RNF213: variants seen among roughly 807,000 people sequenced by gnomAD.
The protein encoded by RNF213 is ring finger protein 213, also known as E3 ubiquitin-protein ligase RNF213.
RNF213 carries 341 observed loss-of-function variants against 514.4 expected under a neutral mutation model. The ratio of observed to expected loss-of-function variants is 0.66; its 90% CI spans 0.61 to 0.73. RNF213 has a LOEUF of 0.73. Ranked by LOEUF, RNF213 falls within the 30% of genes least tolerant of loss-of-function variation. The pLI is 0.00. For synonymous variants in RNF213, 2,655 were observed against 2,658.2 expected, an observed-to-expected ratio of 1.00 and a Z score of 0.04; for missense variants, 5,767 against 6,615.6, an observed-to-expected ratio of 0.87 and a Z score of 4.45.
intron 3 of RNF213, among the ~76,000 whole-genome samples, chr17:80,287,166 C>A (rs977058113): frequency 9.2e-5 from 12 of 130,178 alleles, no homozygotes; most frequent in Admixed American, 3.8e-4. Flanking sequence ...TGGAGACCAG[C>A]CTGAGCAACA....
intron 42 of RNF213, chr17:80,364,961 T>G: frequency 3.3e-6 from 1 of 300,462 alleles, no homozygotes; most frequent in Non-Finnish European, 6.5e-6. Context: ...CCACCGGGGT[T>G]TGGGGTCTTC....
At position 80,343,958 on chromosome 17, in the gene RNF213, T is replaced by C. The variant is rs1230885095; in HGVS notation, c.6285T>C (p.Tyr2095=). The C allele has an allele frequency of 6.2e-7, 1 of 1,614,234 alleles. No individual in the cohort carries two copies. The highest frequency in any genetic ancestry group is 1.7e-5 in the Admixed American group (1 of 60,032). The part of the protein sequence containing the change: ...KMWLRNPCHL[Y]IVEILERRTS... ...GGCTTCGGAACCCCTGCCATTTGTA[T>C]ATCGTTGAAATCCTGGAAAGGAGGA... The change falls in exon 28 of 68, where the codon TAT becomes TAC. Residue 2095 remains tyrosine, a synonymous_variant. Transcript: ENST00000582970. This position sits in a 1 kb window ranked among gnomAD's most constrained non-coding sequence, Gnocchi z 4.3.
chr17:80,334,273 A>C lies in RNF213; in HGVS notation c.4309+3A>C. The C allele has an allele frequency of 6.5e-7, 1 of 1,532,112 alleles. No homozygotes were observed. The highest frequency in any genetic ancestry group is 8.7e-7 in the Non-Finnish European group (1 of 1,143,954). 94.9% of individuals were successfully genotyped at this position (1,532,112 alleles called of 1,614,324 possible). On this transcript the variant is annotated splice_donor_region_variant and intron_variant, in intron 22 of 67. Transcript: ENST00000582970. ...CTGGGTCCGGGAGGCTCTTGGAGGT[A>C]AAATCAGCCTTTGGGGTTGCGTGGA... is the stretch of plus-strand genomic sequence containing the variant.
At chr17:80,334,393 A>G in intron 22 of RNF213, 123 bp downstream of exon 22, 2 of 1,051,146 alleles carry the variant, frequency 1.9e-6, no homozygotes, top group Non-Finnish European at 2.7e-6. Context: ...AAGGGCAGAA[A>G]GACGTTGCCT....
chr17:80,272,369 G>T (rs77881326), intron 2 of RNF213, among the ~76,000 whole-genome samples: 2,884 of 152,322 alleles, frequency 0.019, 57 homozygotes, highest in East Asian at 0.11. Context: ...GAAGTTCAGG[G>T]CCTGGCCCTG....
intron 11 of RNF213, among the ~76,000 whole-genome samples, chr17:80,302,314 T>C (rs541608106): frequency 1.4e-4 from 22 of 152,310 alleles, no homozygotes; most frequent in African/African-American, 5.3e-4. Context: ...ATGTTTGAGA[T>C]AGATATGCTA....
chr17:80,363,050 A>G, intron 39 of RNF213, 52 bp from the exon 40 acceptor site: 2 of 1,509,300 alleles, frequency 1.3e-6, no homozygotes, highest in African/African-American at 1.4e-5. Context: ...CGGGGAAAAC[A>G]TACCATTTTT....
rs1251266478 is a variant in RNF213 at position 80,336,297 on chromosome 17, C to T, written c.4446C>T (p.Ser1482=). 5.8e-5 allele frequency: 89 copies of T among 1,537,108 alleles called. No homozygotes were observed. The highest frequency in any genetic ancestry group is 7.3e-5 in the Non-Finnish European group (84 of 1,146,924). ...CCCTGCTATTTAAGCTGGACCCCAG[C>T]GTGGACTTCAGTGCATTCATGAAGC... ...YASLLFKLDP[S]VDFSAFMKHL... The change falls in exon 23 of 68, where the codon AGC becomes AGT. Residue 1482 remains serine, a synonymous_variant. Coordinates refer to ENST00000582970, the MANE Select transcript of RNF213 (RefSeq NM_001256071.3).
rs970976765 is a variant in RNF213, at chr17:80,313,545, G to A, written c.2811+378G>A. Among the ~76,000 whole-genome samples the A allele has an allele frequency of 3.5e-5, 5 of 141,924 alleles. No individual in the cohort carries two copies. In the East Asian group the frequency reaches 1.0e-3, roughly 30 times the overall value. The allele number at this position is 141,924 out of a possible 152,430, so 93.1% of individuals were successfully genotyped here. A position where few individuals can be genotyped will look rare whatever the true frequency, so the allele number is the denominator to read the frequency against. On this transcript the variant is annotated intron_variant, in intron 15 of 67. Transcript: ENST00000582970. ...GGTGAAGGTGATGGTGATGGTGGACGTAATGGAGGTGATGGTGGTGATGGT... is the reference window on the plus strand; with the variant it reads ...GGTGAAGGTGATGGTGATGGTGGACATAATGGAGGTGATGGTGGTGATGGT...
In RNF213 at chr17:80,306,254, G is replaced by T. The variant is rs1415519603; in HGVS notation, c.2213G>T (p.Ser738Ile). 20 of 1,614,028 alleles carry T rather than the reference G, an allele frequency of 1.2e-5. No homozygotes were observed. The highest frequency in any genetic ancestry group is 1.5e-5 in the Non-Finnish European group (18 of 1,179,950). Reference sequence around the variant, plus strand: ...CCGTCCCTATTTCTCTTATGCAGGAGTTCCCTACTTCAGTTTATGAGAGAG... The same window carrying T: ...CCGTCCCTATTTCTCTTATGCAGGATTTCCCTACTTCAGTTTATGAGAGAG... ...SPFREQMLDTSSLLQFMREKQ... is the reference protein window; with the variant it reads ...SPFREQMLDTISLLQFMREKQ... Residue 738 changes from serine (S) to isoleucine (I), a missense_variant and splice_region_variant, in exon 12 of 68, where the codon AGT becomes ATT. This residue lies in a region of RNF213 where 592 missense variants were observed against 673.9 expected (regional missense o/e 0.88). Transcript: ENST00000582970.
At chr17:80,266,883 T>C (rs767455876) in intron 2 of RNF213, among the ~76,000 whole-genome samples, 49 of 152,302 alleles carry the variant, frequency 3.2e-4, no homozygotes, top group Non-Finnish European at 5.7e-4. Context: ...TGAGATAGGC[T>C]GATAGCTAGG....
chr17:80,290,336 C>G (rs746984741), intron 6 of RNF213, among the ~76,000 whole-genome samples: 15 of 150,736 alleles, frequency 1.0e-4, no homozygotes, highest in Non-Finnish European at 1.8e-4. Context: ...TGTGTGTGCG[C>G]ACGTGTGTGC....
At chr17:80,338,841 C>T (rs1039337460) in intron 25 of RNF213, among the ~76,000 whole-genome samples, 6 of 150,434 alleles carry the variant, frequency 4.0e-5, no homozygotes, top group Admixed American at 6.6e-5. Flanking sequence ...CCAGCTGCTC[C>T]GGAGACTGAG....
At chr17:80,323,104 A>G (rs1337067544) in intron 17 of RNF213, among the ~76,000 whole-genome samples, 3 of 152,168 alleles carry the variant, frequency 2.0e-5, no homozygotes, top group Non-Finnish European at 1.5e-5. Context: ...ATTCTCTTGC[A>G]TGTGGACATC....
chr17:80,389,576 T>C (rs2080378682), intron 65 of RNF213, among the ~76,000 whole-genome samples: 1 of 152,088 alleles, frequency 6.6e-6, no homozygotes, highest in African/African-American at 2.4e-5. Context: ...GCCAGCAGTC[T>C]AGATAGAGCC....
At chr17:80,261,878 G>A (rs902709134) in intron 1 of RNF213, among the ~76,000 whole-genome samples, 4 of 152,214 alleles carry the variant, frequency 2.6e-5, no homozygotes, top group Non-Finnish European at 5.9e-5. Context: ...TTAGCCGGGT[G>A]TGGTGGCGCA....
chr17:80,388,766 C>G, intron 64 of RNF213, 77 bp downstream of exon 64: 1 of 1,123,962 alleles, frequency 8.9e-7, no homozygotes, highest in Admixed American at 1.7e-5. Flanking sequence ...TAGGCCTACT[C>G]CAGCCTTGCC....
chr17:80,376,531 A>C lies in RNF213; in HGVS notation c.13416A>C (p.Pro4472=). 1 of 1,614,022 alleles carries C rather than the reference A, an allele frequency of 6.2e-7. No individual in the cohort carries two copies. Among genetic ancestry groups the C allele is most frequent in the East Asian group, 2.2e-5 (1 of 44,872 alleles). The part of the protein sequence containing the change: ...LEPLKNLAFS[P]ATMAHAFLPT... ...CCCTAAAGAATCTGGCCTTCTCCCC[A>C]GCCACCATGGCGGTAAGAGTAGGCC... The change falls in exon 52 of 68, where the codon CCA becomes CCC. Residue 4472 remains proline (P), a synonymous_variant. Transcript: ENST00000582970.
chr17:80,273,246 G>A lies in RNF213; in HGVS notation c.103G>A (p.Glu35Lys), dbSNP rs113614776. Residue 35 changes from glutamate to lysine, a missense_variant, in exon 3 of 68, where the codon GAG becomes AAG. Coordinates refer to ENST00000582970, the MANE Select transcript of RNF213 (RefSeq NM_001256071.3). ...TCCTTCATCTGCCGTTACAGATTCTGAGAACAATAACTCCACAATGGCGTC... is the reference window on the plus strand; with the variant it reads ...TCCTTCATCTGCCGTTACAGATTCTAAGAACAATAACTCCACAATGGCGTC... ...LPPAAPIADS[E>K]NNNSTMASAS... 2,327 of 1,613,582 alleles carry A rather than the reference G, an allele frequency of 1.4e-3. 41 individuals carry two copies. In the African/African-American group the frequency reaches 0.027, roughly 19 times the overall value.
Sources: allele counts gnomAD v4.1 joint callset (sites outside exome capture counted in the v4.1 genomes callset), GRCh38; gene constraint gnomAD v4.1.1; regional missense constraint gnomAD v4.1.1; non-coding constraint Gnocchi (gnomAD v3.1); transcripts MANE v1.5; gene names NCBI Gene and HGNC (gene_info 2026-07-23, HGNC 2026-07-21).